Variants in RUSC2 observed in about 807,000 individuals in gnomAD.
The protein encoded by RUSC2 is RUN and SH3 domain containing 2.
In RUSC2, 34 loss-of-function variants were observed where a neutral mutation model predicts 122.2. The ratio of observed to expected loss-of-function variants is 0.28; its 90% confidence interval spans 0.21 to 0.37. The LOEUF (loss-of-function observed/expected upper bound fraction) is 0.37, where lower values mean the gene tolerates loss of function less well. Ranked by LOEUF, RUSC2 falls within the 10% of genes least tolerant of loss-of-function variation. The pLI is 1.00. For synonymous variants in RUSC2, 784 were observed against 790.0 expected (o/e 0.99, Z 0.13); for missense variants, 1,747 against 1,952.4 (o/e 0.89, Z 1.98).
intron 1 of RUSC2, among the ~76,000 whole-genome samples, chr9:35,520,515 A>G (rs765423471): frequency 4.7e-4 from 72 of 151,870 alleles, no homozygotes; most frequent in Non-Finnish European, 8.5e-4. Flanking sequence ...TTTTATTTAC[A>G]GCTTTGGGCA....
chr9:35,558,129 G>C lies in RUSC2; in HGVS notation c.3061-68G>C, dbSNP rs1822060971. 6.3e-7 allele frequency: 1 copy of C among 1,590,356 alleles called. No homozygotes were observed. The highest frequency in any genetic ancestry group is 8.6e-7 in the Non-Finnish European group (1 of 1,164,622). ...GGGGACGGCAAGAGGGGAACCATGA[G>C]GGCCTGCTACGAGAGGACCACAGTC... is the stretch of plus-strand genomic sequence containing the variant. On this transcript the variant is annotated intron_variant, in intron 6 of 11. Transcript: ENST00000361226. This position sits in a 1 kb window ranked among gnomAD's most constrained non-coding sequence, Gnocchi z 4.3.
rs1447850222 is a variant in RUSC2 at position 35,548,043 on chromosome 9, C to G, written c.1522C>G (p.Pro508Ala). The change falls in exon 2 of 12, where the codon CCT (proline) becomes GCT (alanine). Residue 508 changes from proline to alanine, a missense_variant. By Grantham distance (27) the Pro-to-Ala change is conservative. Transcript: ENST00000361226. The surrounding 1 kb of genome is among the most constrained non-coding windows in gnomAD (Gnocchi z 4.5). Reference sequence around the variant, plus strand: ...TGATCGCAGCCTGCAGCGCAGCCCTCCTGTCCGCCTGGGCTCGCTGGAACG... The same window carrying G: ...TGATCGCAGCCTGCAGCGCAGCCCTGCTGTCCGCCTGGGCTCGCTGGAACG... ...SYDRSLQRSPPVRLGSLERML... is the reference protein window; with the variant it reads ...SYDRSLQRSPAVRLGSLERML... 6.2e-7 allele frequency: 1 copy of G among 1,613,724 alleles called. No individual in the cohort carries two copies. The highest frequency in any genetic ancestry group is 1.3e-5 in the African/African-American group (1 of 75,082).
rs1332575537 is a variant in RUSC2, at chr9:35,556,038, G to A, written c.2743G>A (p.Asp915Asn). 3 of 1,614,094 alleles carry A rather than the reference G, an allele frequency of 1.9e-6. No homozygotes were observed. The African/African-American group carries it at 4.0e-5, about 22-fold the overall frequency. The change falls in exon 4 of 12, where the codon GAC becomes AAC. Residue 915 changes from aspartate (D) to asparagine (N), a missense_variant. Asp to Asn is a conservative substitution (Grantham distance 23). Transcript: ENST00000361226. ...GCCACCTGGTTTGTCAGGGAGCCTA[G>A]ACCGAAGATCACAAGAAGCTCGGCT... ...LGPPGLSGSL[D>N]RRSQEARLAR...
At chr9:35,506,443 A>G (rs757097358) in intron 1 of RUSC2, among the ~76,000 whole-genome samples, 4 of 152,186 alleles carry the variant, frequency 2.6e-5, no homozygotes, top group East Asian at 1.9e-4. Context: ...ATTTTCCACT[A>G]TGCATTTCTG....
intron 1 of RUSC2, among the ~76,000 whole-genome samples, chr9:35,492,557 G>C (rs1428602393): frequency 6.6e-6 from 1 of 151,930 alleles, no homozygotes; most frequent in African/African-American, 2.4e-5. Context: ...ATCATTTTGA[G>C]TAGCCAGATG....
At chr9:35,541,405 G>A (rs530653397) in intron 1 of RUSC2, among the ~76,000 whole-genome samples, 4 of 151,362 alleles carry the variant, frequency 2.6e-5, no homozygotes, top group East Asian at 1.9e-4. Flanking sequence ...CCTGAGATAC[G>A]CTCTCAGTAA....
At chr9:35,538,681 C>G (rs1269457155) in intron 1 of RUSC2, 1 of 152,284 alleles carries the variant, frequency 6.6e-6, no homozygotes, top group Admixed American at 6.5e-5. Context: ...CACAACTCTC[C>G]CCATTTTTCC....
Position 35,527,559 on chromosome 9 carries a change from G to A in RUSC2, c.-92-18871G>A, listed in dbSNP as rs1357101343. On this transcript the variant is annotated intron_variant, in intron 1 of 11. Coordinates refer to ENST00000361226, the MANE Select transcript of RUSC2 (RefSeq NM_014806.5). ...TATTTCTAATAATTCATTGCCACTC[G>A]CTTACCTTTGAGATTTATCTTTTAT... Among the ~76,000 whole-genome samples the A allele has an allele frequency of 4.6e-5, 7 of 152,050 alleles. No individual in the cohort carries two copies. In the South Asian group the frequency reaches 6.2e-4, roughly 14 times the overall value.
At chr9:35,551,284 T>C (rs1821889179) in intron 2 of RUSC2, among the ~76,000 whole-genome samples, 1 of 152,228 alleles carries the variant, frequency 6.6e-6, no homozygotes, top group African/African-American at 2.4e-5. Flanking sequence ...CTCACAGCTG[T>C]GCTGTAGCCT....
rs754960147 is a variant in RUSC2, at chr9:35,548,112, A to G, written c.1591A>G (p.Met531Val). 3.1e-6 allele frequency: 5 copies of G among 1,613,264 alleles called. No individual in the cohort carries two copies. Among genetic ancestry groups the G allele is most frequent in the Non-Finnish European group, 3.4e-6 (4 of 1,180,010 alleles). ...PVRLSEGPAAMAGPGSPPRRV... is the reference protein window; with the variant it reads ...PVRLSEGPAAVAGPGSPPRRV... The stretch of plus-strand genomic sequence containing the variant: ...GCGCTTGAGTGAGGGCCCTGCAGCC[A>G]TGGCCGGGCCTGGCTCCCCACCCAG... The change falls in exon 2 of 12, where the codon ATG (methionine) becomes GTG (valine). Residue 531 changes from methionine (M) to valine (V), a missense_variant. Physicochemically the swap from Met to Val is conservative, Grantham distance 21. Coordinates refer to ENST00000361226, the MANE Select transcript of RUSC2 (RefSeq NM_014806.5). The surrounding 1 kb of genome is among the most constrained non-coding windows in gnomAD (Gnocchi z 4.5).
chr9:35,533,343 T>C (rs951393939), intron 1 of RUSC2, among the ~76,000 whole-genome samples: 23 of 152,080 alleles, frequency 1.5e-4, no homozygotes, highest in African/African-American at 5.3e-4. Context: ...TGCTTTCTGG[T>C]ACCCTGATAT....
In RUSC2 at chr9:35,526,527, G is replaced by A. The variant is rs371150730; in HGVS notation, c.-92-19903G>A. The stretch of plus-strand genomic sequence containing the variant: ...TTTCATCACCATTCTACAGGAAATG[G>A]GGGCAGGGAAAGGCAAGATAACTGG... On this transcript the variant is annotated intron_variant, in intron 1 of 11. Coordinates refer to ENST00000361226, the MANE Select transcript of RUSC2 (RefSeq NM_014806.5). Among the ~76,000 whole-genome samples, 38 of 152,306 alleles carry A rather than the reference G, an allele frequency of 2.5e-4. No homozygotes were observed. In the South Asian group the frequency reaches 7.7e-3, roughly 31 times the overall value.
At chr9:35,493,592 CTCCCA>C (rs749761602) in intron 1 of RUSC2, among the ~76,000 whole-genome samples, 1 of 152,130 alleles carries the variant, frequency 6.6e-6, no homozygotes, top group Admixed American at 6.5e-5. Flanking sequence ...CAACTTTTGC[CTCCCA>C]GTTCAGGTGA....
intron 1 of RUSC2, among the ~76,000 whole-genome samples, chr9:35,504,588 C>G (rs147445536): frequency 1.1e-3 from 169 of 152,042 alleles, no homozygotes; most frequent in African/African-American, 3.9e-3. Flanking sequence ...GCCTCAGCCT[C>G]CCAAGTAGCT....
chr9:35,551,474 A>C (rs1821894160), intron 2 of RUSC2, among the ~76,000 whole-genome samples: 1 of 152,162 alleles, frequency 6.6e-6, no homozygotes, highest in Non-Finnish European at 1.5e-5. Context: ...AGAAACAGCA[A>C]GGATTGACTG....
chr9:35,545,840 A>C (rs1049636350), intron 1 of RUSC2, among the ~76,000 whole-genome samples: 4 of 152,228 alleles, frequency 2.6e-5, no homozygotes, highest in Non-Finnish European at 4.4e-5. Flanking sequence ...GCCCACGGTC[A>C]TCAGAAAGGG....
At chr9:35,493,061 G>C (rs955036932) in intron 1 of RUSC2, among the ~76,000 whole-genome samples, 3 of 151,820 alleles carry the variant, frequency 2.0e-5, no homozygotes, top group Non-Finnish European at 4.4e-5. Context: ...ATTTCACAGG[G>C]GTTTGTTGTA....
In RUSC2 at chr9:35,561,769, C is replaced by T. The variant is rs1304501150; in HGVS notation, c.*387C>T. ...TATTGGGGCCAGATCCCTAAGCCCC[C>T]CAGCTGTAAATAGGCTGTGGCCAGT... On this transcript the variant is annotated 3_prime_UTR_variant, in exon 12 of 12. Coordinates refer to ENST00000361226, the MANE Select transcript of RUSC2 (RefSeq NM_014806.5). 3.6e-6 allele frequency: 2 copies of T among 556,826 alleles called. No individual in the cohort carries two copies. The highest frequency in any genetic ancestry group is 3.2e-6 in the Non-Finnish European group (1 of 316,454). 34.5% of individuals were successfully genotyped at this position (556,826 alleles called of 1,614,324 possible). A position where few individuals can be genotyped will look rare whatever the true frequency, so the allele number is the denominator to read the frequency against.
chr9:35,495,236 A>G (rs1194576024), intron 1 of RUSC2, among the ~76,000 whole-genome samples: 1 of 83,524 alleles, frequency 1.2e-5, no homozygotes, highest in Non-Finnish European at 2.4e-5. Context: ...TTTATATTAT[A>G]TATGATATAT....
Sources: allele counts gnomAD v4.1 joint callset (sites outside exome capture counted in the v4.1 genomes callset), GRCh38; gene constraint gnomAD v4.1.1; non-coding constraint Gnocchi (gnomAD v3.1); transcripts MANE v1.5; gene names NCBI Gene and HGNC (gene_info 2026-07-23, HGNC 2026-07-21).